Variants in HEPACAM2 observed in about 807,000 individuals in gnomAD.
The protein encoded by HEPACAM2 is mitotic kinetics regulator.
HEPACAM2 carries 49 observed loss-of-function variants against 49.6 expected under a neutral mutation model. The ratio of observed to expected loss-of-function variants is 0.99; its 90% CI spans 0.78 to 1.25. The LOEUF (loss-of-function observed/expected upper bound fraction) is 1.25. Among genes scored for constraint, HEPACAM2 ranks in the 50% most tolerant of loss-of-function variants. The pLI, the probability that HEPACAM2 is intolerant of heterozygous loss-of-function variation, is 0.00. For missense variants in HEPACAM2, 525 were observed against 557.2 expected (o/e 0.94, Z 0.58); for synonymous variants, 197 against 202.9 (o/e 0.97, Z 0.25).
chr7:93,206,865 T>C (rs1328267577), intron 4 of HEPACAM2, among the ~76,000 whole-genome samples: 1 of 152,142 alleles, frequency 6.6e-6, no homozygotes, highest in Non-Finnish European at 1.5e-5. Context: ...TATACATTTA[T>C]CAACCTGTAG....
chr7:93,208,584 G>A lies in HEPACAM2; in HGVS notation c.1008C>T (p.Ser336=), dbSNP rs969767240. Residue 336 remains serine, a synonymous_variant, in exon 4 of 10, where the codon TCC becomes TCT. Coordinates refer to ENST00000394468, the MANE Select transcript of HEPACAM2 (RefSeq NM_001039372.4). ...TTCCTTGTATGTCACACATACCTAC[G>A]GAAGTGATGATAACTGTGAAATGAG... The part of the protein sequence containing the change: ...DETHFTVIIT[S]VGLEKLAQKG... The A allele has an allele frequency of 3.1e-6, 5 of 1,611,650 alleles. No individual in the cohort carries two copies. The highest frequency in any genetic ancestry group is 1.3e-5 in the African/African-American group (1 of 74,786).
At chr7:93,217,388 A>G (rs1470137272) in intron 2 of HEPACAM2, among the ~76,000 whole-genome samples, 1 of 152,296 alleles carries the variant, frequency 6.6e-6, no homozygotes, top group South Asian at 2.1e-4. Flanking sequence ...CTAAAACCCT[A>G]TTCAGGCTTT....
At position 93,219,082 on chromosome 7, in the gene HEPACAM2, A is replaced by T; in HGVS notation, c.430+19T>A. On this transcript the variant is annotated intron_variant, in intron 2 of 9. Coordinates refer to ENST00000394468, the MANE Select transcript of HEPACAM2 (RefSeq NM_001039372.4). ...TACCATGCTAGACTGCTGCCCTCGT[A>T]CACTCACAGGGGACTCACCATCAAC... 2 of 1,605,826 alleles carry T rather than the reference A, an allele frequency of 1.2e-6. No individual in the cohort carries two copies. The highest frequency in any genetic ancestry group is 4.5e-5 in the East Asian group (2 of 44,800).
intron 4 of HEPACAM2, among the ~76,000 whole-genome samples, chr7:93,206,105 C>T (rs1192810879): frequency 6.6e-6 from 1 of 152,058 alleles, no homozygotes; most frequent in African/African-American, 2.4e-5. Context: ...AAAGTTTAGG[C>T]AGTGGGAAAG....
intron 3 of HEPACAM2, among the ~76,000 whole-genome samples, chr7:93,212,833 T>C (rs770492301): frequency 5.3e-5 from 8 of 152,054 alleles, no homozygotes; most frequent in African/African-American, 7.2e-5. Context: ...GGCAATCCAA[T>C]TGGAGATATT....
chr7:93,194,250 A>G (rs911032156), intron 8 of HEPACAM2, among the ~76,000 whole-genome samples: 2 of 152,120 alleles, frequency 1.3e-5, no homozygotes, highest in African/African-American at 4.8e-5. Context: ...TCTTACATAA[A>G]TCTCACTCCT....
intron 2 of HEPACAM2, among the ~76,000 whole-genome samples, chr7:93,218,744 A>G (rs1168655378): frequency 6.6e-6 from 1 of 152,144 alleles, no homozygotes; most frequent in East Asian, 1.9e-4. Context: ...TCTTCATGAC[A>G]AAAATAGGAC....
chr7:93,188,978 T>C lies in HEPACAM2; in HGVS notation c.*289A>G, dbSNP rs1053160084. On this transcript the variant is annotated 3_prime_UTR_variant, in exon 10 of 10. Coordinates refer to ENST00000394468, the MANE Select transcript of HEPACAM2 (RefSeq NM_001039372.4). ...TTGTAGAGATATTTCATACAAAACT[T>C]ATGAGGAAACCCCTGTCACTTTCGT... The C allele has an allele frequency of 4.8e-4, 215 of 449,758 alleles. 2 individuals are homozygous for C. The highest frequency in any genetic ancestry group is 4.1e-3 in the African/African-American group (201 of 49,616). The allele number at this position is 449,758 out of a possible 1,614,324, so 27.9% of individuals were successfully genotyped here.
At chr7:93,214,079 G>A (rs1794244578) in intron 3 of HEPACAM2, among the ~76,000 whole-genome samples, 1 of 152,082 alleles carries the variant, frequency 6.6e-6, no homozygotes, top group Admixed American at 6.6e-5. Flanking sequence ...GGCTAAAATA[G>A]TGATAGCAAG....
intron 7 of HEPACAM2, among the ~76,000 whole-genome samples, chr7:93,196,307 A>G (rs1793717638): frequency 6.6e-6 from 1 of 152,154 alleles, no homozygotes; most frequent in South Asian, 2.1e-4. Flanking sequence ...AACAGATGTA[A>G]CAGATCATCA....
In HEPACAM2 at chr7:93,201,327, T is replaced by C. The variant is rs964043367; in HGVS notation, c.1013-3717A>G. On this transcript the variant is annotated intron_variant, in intron 4 of 9. Coordinates refer to ENST00000394468, the MANE Select transcript of HEPACAM2 (RefSeq NM_001039372.4). ...CACTAAGACCTAGTATGATTAGTAA[T>C]ATATTTCAGTTTAGATCTGCAATCT... Among the ~76,000 whole-genome samples the C allele has an allele frequency of 2.6e-5, 4 of 152,126 alleles. No homozygotes were observed. The East Asian group carries it at 7.7e-4, about 29-fold the overall frequency.
chr7:93,215,615 G>T lies in HEPACAM2; in HGVS notation c.501C>A (p.Thr167=). Residue 167 remains threonine, a synonymous_variant, in exon 3 of 10, where the codon ACC becomes ACA. Coordinates refer to ENST00000394468, the MANE Select transcript of HEPACAM2 (RefSeq NM_001039372.4). ...SGAVEYVGNM[T]LTCHVEGGTR... ...TGCCCCCTTCCACATGGCATGTCAG[G>T]GTCATGTTCCCCACATACTCCACAG... 1 of 1,613,616 alleles carries T rather than the reference G, an allele frequency of 6.2e-7. No homozygotes were observed. Among genetic ancestry groups the T allele is most frequent in the South Asian group, 1.1e-5 (1 of 91,076 alleles).
rs758626536 is a variant in HEPACAM2 at position 93,192,356 on chromosome 7, C to CTTGG, written c.1279_1282dup (p.Ser428ThrfsTer9). The CTTGG allele has an allele frequency of 6.2e-7, 1 of 1,609,910 alleles. No homozygotes were observed. The highest frequency in any genetic ancestry group is 1.7e-5 in the Admixed American group (1 of 59,740). On this transcript the variant is annotated frameshift_variant, in exon 9 of 10. Transcript: ENST00000394468. LOFTEE classifies it high-confidence loss of function. ...ACAATCAGAGGCTGGAACAGACCTGCTTGGGATCTAGAAAATGTGATACAT... is the reference window on the plus strand; with the variant it reads ...ACAATCAGAGGCTGGAACAGACCTGCTTGGTTGGGATCTAGAAAATGTGATACAT...
upstream of HEPACAM2, among the ~76,000 whole-genome samples, chr7:93,231,371 C>T (rs898046833): frequency 2.0e-5 from 3 of 152,224 alleles, no homozygotes; most frequent in South Asian, 2.1e-4. Context: ...ATCTGATGAC[C>T]GATTAATCCT....
intron 1 of HEPACAM2, among the ~76,000 whole-genome samples, chr7:93,222,068 G>A (rs1794461607): frequency 6.6e-6 from 1 of 152,062 alleles, no homozygotes; most frequent in Non-Finnish European, 1.5e-5. Context: ...AAGAAAGATG[G>A]GAGAGAGAAA....
upstream of HEPACAM2, among the ~76,000 whole-genome samples, chr7:93,227,479 C>G (rs1339523661): frequency 6.6e-6 from 1 of 152,086 alleles, no homozygotes; most frequent in African/African-American, 2.4e-5. Flanking sequence ...AAGACTATAC[C>G]TCAAGCATAA....
chr7:93,194,528 AGTAGT>A (rs1472765226), intron 8 of HEPACAM2, among the ~76,000 whole-genome samples: 1 of 152,152 alleles, frequency 6.6e-6, no homozygotes, highest in Admixed American at 6.6e-5. Context: ...GCCTTTGCAC[AGTAGT>A]TCTTTGCTTC....
chr7:93,218,920 C>T (rs1449266665), intron 2 of HEPACAM2, among the ~76,000 whole-genome samples, 181 bp downstream of exon 2: 8 of 152,130 alleles, frequency 5.3e-5, no homozygotes, highest in Admixed American at 3.3e-4. Context: ...CTTATTTAAT[C>T]TTCAGAAAGC....
chr7:93,208,577 T>C lies in HEPACAM2; in HGVS notation c.1012+3A>G, dbSNP rs1302524344. ...GGATCCCTTCCTTGTATGTCACACA[T>C]ACCTACGGAAGTGATGATAACTGTG... is the stretch of plus-strand genomic sequence containing the variant. On this transcript the variant is annotated splice_donor_region_variant and intron_variant, in intron 4 of 9. Coordinates refer to ENST00000394468, the MANE Select transcript of HEPACAM2 (RefSeq NM_001039372.4). The C allele has an allele frequency of 3.1e-6, 5 of 1,610,406 alleles. No individual in the cohort carries two copies. The highest frequency in any genetic ancestry group is 8.5e-7 in the Non-Finnish European group (1 of 1,177,744).
Sources: allele counts gnomAD v4.1 joint callset (sites outside exome capture counted in the v4.1 genomes callset), GRCh38; gene constraint gnomAD v4.1.1; transcripts MANE v1.5; gene names NCBI Gene and HGNC (gene_info 2026-07-23, HGNC 2026-07-21).